The following CAST variants were observed in gnomAD, a reference collection of about 807,000 sequenced individuals.
CAST encodes MIR583 host.
Under a neutral mutation model 119.6 loss-of-function variants are expected in CAST, and 76 were observed. That is an observed-to-expected ratio of 0.64 (90% CI 0.53 to 0.77). The LOEUF (loss-of-function observed/expected upper bound fraction) is 0.77. Ranked by LOEUF, CAST falls within the 30% of genes least tolerant of loss-of-function variation. CAST has a pLI of 0.00. For synonymous variants in CAST, 319 were observed against 331.6 expected (o/e 0.96, Z 0.41); for missense variants, 953 against 946.5 (o/e 1.01, Z -0.09).
chr5:96,420,741 G>A, the CAST span, among the ~76,000 whole-genome samples: 568 of 145,890 alleles, frequency 3.9e-3, 3 homozygotes, highest in African/African-American at 0.014. Flanking sequence ...ATAAGGAAGG[G>A]AGGGAGGGAG....
At chr5:96,393,500 A>G in the CAST span, 17 of 1,179,062 alleles carry the variant, frequency 1.4e-5, no homozygotes, top group Non-Finnish European at 2.0e-5. Context: ...GGGAGGGGAG[A>G]GAGTTCAAGA....
At chr5:96,226,801 G>A in the CAST span, among the ~76,000 whole-genome samples, 9 of 152,078 alleles carry the variant, frequency 5.9e-5, no homozygotes, top group East Asian at 3.8e-4. Flanking sequence ...CCTCTTGGCC[G>A]CTCCTCCCTG....
At chr5:96,068,372 A>C in the CAST span, among the ~76,000 whole-genome samples, 1 of 151,910 alleles carries the variant, frequency 6.6e-6, no homozygotes, top group African/African-American at 2.4e-5. Context: ...TTGAAGTCTC[A>C]CCTTGAGAAT....
the CAST span, among the ~76,000 whole-genome samples, chr5:96,030,812 C>A: frequency 2.6e-5 from 4 of 152,006 alleles, no homozygotes; most frequent in Non-Finnish European, 5.9e-5. Flanking sequence ...TTGGGAGGCC[C>A]AAAAGGAGGA....
At chr5:96,060,445 G>C in the CAST span, among the ~76,000 whole-genome samples, 5 of 152,062 alleles carry the variant, frequency 3.3e-5, no homozygotes, top group African/African-American at 1.2e-4. Context: ...GGGGTCTATT[G>C]GTTTGGGGCA....
intron 3 of CAST, among the ~76,000 whole-genome samples, chr5:96,701,424 G>A (rs1485905546): frequency 1.3e-5 from 2 of 152,144 alleles, no homozygotes; most frequent in Non-Finnish European, 1.5e-5. Flanking sequence ...GTGAAACCTA[G>A]ATGAGCTTTT....
chr5:96,719,261 A>G (rs574970661), intron 3 of CAST, among the ~76,000 whole-genome samples: 2 of 152,246 alleles, frequency 1.3e-5, no homozygotes, highest in African/African-American at 4.8e-5. Context: ...AAGACAGTTA[A>G]GTGAGCCTCC....
chr5:95,992,349 T>C, the CAST span, among the ~76,000 whole-genome samples: 1 of 151,746 alleles, frequency 6.6e-6, no homozygotes, highest in Non-Finnish European at 1.5e-5. Flanking sequence ...ATCAGTGATG[T>C]TATGTGGATA....
chr5:96,052,397 C>T, the CAST span, among the ~76,000 whole-genome samples: 2 of 152,140 alleles, frequency 1.3e-5, no homozygotes, highest in Admixed American at 1.3e-4. Context: ...TACAACCAAA[C>T]CAATCAGGAC....
intron 1 of CAST, among the ~76,000 whole-genome samples, chr5:96,642,072 A>G (rs1289448582): frequency 6.6e-6 from 1 of 152,068 alleles, no homozygotes; most frequent in African/African-American, 2.4e-5. Flanking sequence ...TCTTTATCTT[A>G]CTCTCATTAT....
chr5:96,404,761 C>A, the CAST span, among the ~76,000 whole-genome samples: 3 of 152,152 alleles, frequency 2.0e-5, no homozygotes, highest in Non-Finnish European at 4.4e-5. Flanking sequence ...GTTTGAATTT[C>A]TTTGTGGGAT....
chr5:96,237,484 A>G, the CAST span, among the ~76,000 whole-genome samples: 1 of 152,186 alleles, frequency 6.6e-6, no homozygotes, highest in African/African-American at 2.4e-5. Context: ...TCTAGCCTGT[A>G]GAAGCGATTA....
intron 24 of CAST, among the ~76,000 whole-genome samples, chr5:96,759,623 A>G (rs1365617718): frequency 6.6e-6 from 1 of 152,080 alleles, no homozygotes; most frequent in East Asian, 1.9e-4. Flanking sequence ...AAATAGCGGC[A>G]TGAAAGTTAA....
chr5:96,429,978 G>A, the CAST span, among the ~76,000 whole-genome samples: 1 of 152,154 alleles, frequency 6.6e-6, no homozygotes, highest in Non-Finnish European at 1.5e-5. Context: ...ATTATTTGTG[G>A]TAAGCAGGCA....
chr5:96,493,759 C>T, the CAST span, among the ~76,000 whole-genome samples: 3 of 152,172 alleles, frequency 2.0e-5, no homozygotes, highest in Admixed American at 2.0e-4. Flanking sequence ...TTATTTTAGG[C>T]CAGGAACGGT....
At chr5:96,204,405 T>C in the CAST span, among the ~76,000 whole-genome samples, 1 of 152,146 alleles carries the variant, frequency 6.6e-6, no homozygotes, top group South Asian at 2.1e-4. Flanking sequence ...TTTTACCATC[T>C]CTATGACTCT....
chr5:96,385,986 A>G, the CAST span, among the ~76,000 whole-genome samples: 3 of 152,344 alleles, frequency 2.0e-5, no homozygotes, highest in South Asian at 6.2e-4. Context: ...ACCTTAAGCA[A>G]GTAAACAAAA....
chr5:96,182,979 T>C, the CAST span, among the ~76,000 whole-genome samples: 1 of 151,462 alleles, frequency 6.6e-6, no homozygotes, highest in Non-Finnish European at 1.5e-5. Context: ...TCTACTAAAA[T>C]TACAAAATAA....
the CAST span, among the ~76,000 whole-genome samples, chr5:96,241,639 A>T: frequency 7.0e-6 from 1 of 142,608 alleles, no homozygotes; most frequent in Non-Finnish European, 1.6e-5. Context: ...GAATCGCCAC[A>T]CTGACTTCCA....
Sources: gnomAD v4.1 joint callset for allele counts (sites outside exome capture counted in the v4.1 genomes callset) on GRCh38, gnomAD v4.1.1 for gene constraint, MANE v1.5 for transcripts, NCBI Gene and HGNC (gene_info 2026-07-23, HGNC 2026-07-21) for gene names.